TNRC18: variants seen among roughly 807,000 people sequenced by gnomAD.
TNRC18 encodes trinucleotide repeat-containing gene 18 protein.
In TNRC18, 69 loss-of-function variants were observed where a neutral mutation model predicts 226.7. The ratio of observed to expected loss-of-function variants is 0.30; its 90% CI spans 0.25 to 0.37. The LOEUF (loss-of-function observed/expected upper bound fraction) is 0.37. Among genes scored for constraint, TNRC18 ranks in the 10% least tolerant of loss-of-function variants. The probability of loss-of-function intolerance (pLI) is 1.00; values close to 1 mark genes in which losing one functional copy is unlikely to be tolerated. For missense variants in TNRC18, 4,754 were observed against 4,256.6 expected (o/e 1.12, Z -3.25); for synonymous variants, 2,449 against 1,927.6 (o/e 1.27, Z -7.09).
At chr7:5,359,257 A>T in intron 15 of TNRC18, 141 bp downstream of exon 15, 1 of 876,150 alleles carries the variant, frequency 1.1e-6, no homozygotes, top group Non-Finnish European at 1.8e-6. Flanking sequence ...ATTGGAGAAG[A>T]GTCATTCCGG....
chr7:5,343,120 G>A (rs571709774), intron 18 of TNRC18, among the ~76,000 whole-genome samples: 42 of 152,172 alleles, frequency 2.8e-4, no homozygotes, highest in Non-Finnish European at 5.3e-4. Context: ...TTGGGAGGCC[G>A]AGGCGGACAG....
At chr7:5,375,267 C>CCACT (rs1447370494) in intron 9 of TNRC18, among the ~76,000 whole-genome samples, 1 of 152,172 alleles carries the variant, frequency 6.6e-6, no homozygotes, top group Non-Finnish European at 1.5e-5. Context: ...CGAGATAGTA[C>CCACT]CACTGCACTC....
chr7:5,410,320 A>C (rs2128218198), intron 2 of TNRC18, among the ~76,000 whole-genome samples: 1 of 151,546 alleles, frequency 6.6e-6, no homozygotes, highest in South Asian at 2.1e-4. Flanking sequence ...CAAAAAAAAA[A>C]AAAAAAAAAA....
chr7:5,377,276 C>T lies in TNRC18; in HGVS notation c.2461+95G>A. ...AGGCAGGCCCAGGCCCCCCAGGAAA[C>T]GGCAGGCAGGAGCCAGCCCTGAGCT... On this transcript the variant is annotated intron_variant, in intron 7 of 29. Coordinates refer to ENST00000430969, the MANE Select transcript of TNRC18 (RefSeq NM_001080495.3). This position sits in a 1 kb window ranked among gnomAD's most constrained non-coding sequence, Gnocchi z 5.8. 3.0e-6 allele frequency: 4 copies of T among 1,315,634 alleles called. No homozygotes were observed. Among genetic ancestry groups the T allele is most frequent in the East Asian group, 2.5e-5 (1 of 39,374 alleles). 81.5% of individuals were successfully genotyped at this position (1,315,634 alleles called of 1,614,324 possible). A position where few individuals can be genotyped will look rare whatever the true frequency, so the allele number is the denominator to read the frequency against.
At chr7:5,399,940 G>A (rs1254096592) in intron 2 of TNRC18, among the ~76,000 whole-genome samples, 1 of 152,028 alleles carries the variant, frequency 6.6e-6, no homozygotes, top group African/African-American at 2.4e-5. Flanking sequence ...TACCTGGGGA[G>A]CTGAGGTGGT....
rs765757764 is a variant in TNRC18 at position 5,359,418 on chromosome 7, A to G, written c.4813T>C (p.Ser1605Pro). 16 of 1,614,016 alleles carry G rather than the reference A, an allele frequency of 9.9e-6. No individual in the cohort carries two copies. The highest frequency in any genetic ancestry group is 1.3e-5 in the Non-Finnish European group (15 of 1,179,882). The change falls in exon 15 of 30, where the codon TCG becomes CCG. Residue 1605 changes from serine to proline, a missense_variant. By Grantham distance (74) the Ser-to-Pro change is moderately conservative (BLOSUM62 -1). Transcript: ENST00000430969. ...RNQTWDEHEA[S>P]SDFISQLKIK... is the part of the protein sequence containing the mutation. ...CTCACCTGACTGATGAAGTCCGACG[A>G]GGCCTCATGTTCATCCCAAGTCTGG...
intron 16 of TNRC18, among the ~76,000 whole-genome samples, chr7:5,353,295 G>A (rs115272822): frequency 0.042 from 6,446 of 152,274 alleles, 288 homozygotes; most frequent in African/African-American, 0.099. Flanking sequence ...CTACCACTTT[G>A]GGAGGCTGAG....
At chr7:5,313,986 G>C in intron 26 of TNRC18, 123 bp from the exon 27 acceptor site, 1 of 1,086,432 alleles carries the variant, frequency 9.2e-7, no homozygotes, top group Non-Finnish European at 1.2e-6. Context: ...TTTTGAGATG[G>C]GGTCTCAGTC....
rs1254377333 is a variant in TNRC18, at chr7:5,388,882, G to A, written c.942C>T (p.Gly314=). 8 of 1,332,626 alleles carry A rather than the reference G, an allele frequency of 6.0e-6. No homozygotes were observed. Among genetic ancestry groups the A allele is most frequent in the African/African-American group, 1.6e-5 (1 of 62,568 alleles). 82.6% of individuals were successfully genotyped at this position (1,332,626 alleles called of 1,614,324 possible). ...GAKEAARQDE[G]ARLLRRTETL... ...TCTCCGTGCGCCGCAGCAGCCGCGCGCCCTCGTCCTGCCGGGCAGCCTCCT... is the reference window on the plus strand; with the variant it reads ...TCTCCGTGCGCCGCAGCAGCCGCGCACCCTCGTCCTGCCGGGCAGCCTCCT... The change falls in exon 5 of 30, where the codon GGC becomes GGT. Residue 314 remains glycine (G), a synonymous_variant. Coordinates refer to ENST00000430969, the MANE Select transcript of TNRC18 (RefSeq NM_001080495.3).
intron 5 of TNRC18, among the ~76,000 whole-genome samples, chr7:5,381,117 C>T (rs899552294): frequency 6.6e-6 from 1 of 152,196 alleles, no homozygotes; most frequent in Non-Finnish European, 1.5e-5. Context: ...TGGCCAGCCC[C>T]ATATCAGAGC....
At chr7:5,379,527 G>A (rs1271238527) in intron 5 of TNRC18, among the ~76,000 whole-genome samples, 2 of 138,186 alleles carry the variant, frequency 1.4e-5, no homozygotes, top group African/African-American at 3.4e-5. Context: ...CCTCCCTATA[G>A]CCAGCCCCTG....
chr7:5,371,018 A>G lies in TNRC18; in HGVS notation c.3576T>C (p.Pro1192=). Residue 1192 remains proline, a synonymous_variant, in exon 11 of 30, where the codon CCT becomes CCC. Coordinates refer to ENST00000430969, the MANE Select transcript of TNRC18 (RefSeq NM_001080495.3). ...ACAGGCCACCTCCACAACCCCCTGC[A>G]GGGCTGGGGGTAGCCATGGCTTCCG... The part of the protein sequence containing the change: ...PAAEAMATPS[P]AGGCGGGLLE... 1 of 1,608,768 alleles carries G rather than the reference A, an allele frequency of 6.2e-7. No individual in the cohort carries two copies. The highest frequency in any genetic ancestry group is 1.1e-5 in the South Asian group (1 of 91,070).
intron 24 of TNRC18, among the ~76,000 whole-genome samples, chr7:5,317,838 T>C (rs1349659882): frequency 6.6e-6 from 1 of 151,712 alleles, no homozygotes; most frequent in East Asian, 1.9e-4. Flanking sequence ...CCCAAGTAGC[T>C]AGGACAACAG....
chr7:5,309,493 G>T lies in TNRC18; in HGVS notation c.8389-125C>A. On this transcript the variant is annotated intron_variant, in intron 27 of 29. Coordinates refer to ENST00000430969, the MANE Select transcript of TNRC18 (RefSeq NM_001080495.3). The surrounding 1 kb of genome is among the most constrained non-coding windows in gnomAD (Gnocchi z 5.7). Reference sequence around the variant, plus strand: ...TAAATCAACCCCTATCCAACTGTGGGGAGATGAGGAAGCTCCTTGTCTCGC... The same window carrying T: ...TAAATCAACCCCTATCCAACTGTGGTGAGATGAGGAAGCTCCTTGTCTCGC... 1.3e-6 allele frequency: 1 copy of T among 766,122 alleles called. No individual in the cohort carries two copies. Among genetic ancestry groups the T allele is most frequent in the South Asian group, 1.8e-5 (1 of 54,186 alleles). The allele number at this position is 766,122 out of a possible 1,614,324, so 47.5% of individuals were successfully genotyped here.
chr7:5,359,448 TC>T lies in TNRC18; in HGVS notation c.4782del (p.Arg1595GlyfsTer18). On this transcript the variant is annotated frameshift_variant, in exon 15 of 30. Coordinates refer to ENST00000430969, the MANE Select transcript of TNRC18 (RefSeq NM_001080495.3). LOFTEE classifies it high-confidence loss of function. ...DALIGMGKAR[G>X]RNQTWDEHEA... is the part of the protein sequence containing the mutation. ...TCATGTTCATCCCAAGTCTGGTTCC[TC>T]CCCCTGGCTTTCCCCATTCCGATGA... 1 of 1,613,994 alleles carries T rather than the reference TC, an allele frequency of 6.2e-7. No homozygotes were observed.
intron 2 of TNRC18, among the ~76,000 whole-genome samples, chr7:5,417,970 C>T (rs143047720): frequency 2.6e-5 from 4 of 152,150 alleles, no homozygotes; most frequent in South Asian, 2.1e-4. Flanking sequence ...CCAAGCCAAG[C>T]CCCTCCCTTG....
chr7:5,353,337 G>T (rs1792026983), intron 16 of TNRC18, among the ~76,000 whole-genome samples: 1 of 152,086 alleles, frequency 6.6e-6, no homozygotes, highest in South Asian at 2.1e-4. Context: ...AGGAGTTCGA[G>T]ACCAGCCTGG....
chr7:5,364,029 G>A (rs898715243), intron 11 of TNRC18, among the ~76,000 whole-genome samples: 2 of 152,312 alleles, frequency 1.3e-5, no homozygotes, highest in Middle Eastern at 3.4e-3. Flanking sequence ...CGGGTGCAGT[G>A]GCTCACGCCT....
In TNRC18 at chr7:5,312,752, C is replaced by G. The variant is rs746358283; in HGVS notation, c.8139G>C (p.Ser2713=). The part of the protein sequence containing the change: ...ATKQAGKARP[S]AHSPGKKTPA... ...GCGTCTTCTTGCCTGGGGAGTGGGC[C>G]GAGGGCCGCGCCTTGCCGGCCTGCT... Residue 2713 remains serine (S), a synonymous_variant, in exon 27 of 30, where the codon TCG becomes TCC. Coordinates refer to ENST00000430969, the MANE Select transcript of TNRC18 (RefSeq NM_001080495.3). The surrounding 1 kb of genome is among the most constrained non-coding windows in gnomAD (Gnocchi z 6.3). 1 of 1,536,534 alleles carries G rather than the reference C, an allele frequency of 6.5e-7. No individual in the cohort carries two copies. Among genetic ancestry groups the G allele is most frequent in the Non-Finnish European group, 8.7e-7 (1 of 1,147,266 alleles).
Sources: gnomAD v4.1 joint callset for allele counts (sites outside exome capture counted in the v4.1 genomes callset) on GRCh38, gnomAD v4.1.1 for gene constraint, Gnocchi (gnomAD v3.1) non-coding constraint, MANE v1.5 for transcripts, NCBI Gene and HGNC (gene_info 2026-07-23, HGNC 2026-07-21) for gene names.